The following RUNX2 variants were observed in gnomAD, a reference collection of about 807,000 sequenced individuals.
The protein encoded by RUNX2 is RUNX family transcription factor 2, also known as runt-related transcription factor 2.
In RUNX2, 10 loss-of-function variants were observed where a neutral mutation model predicts 51.7. The ratio of observed to expected loss-of-function variants is 0.19; its 90% CI spans 0.12 to 0.33. The LOEUF (loss-of-function observed/expected upper bound fraction) is 0.33. RUNX2 is among the 10% of genes least tolerant of loss of function. The probability of loss-of-function intolerance (pLI) is 1.00; values close to 1 mark genes in which losing one functional copy is unlikely to be tolerated. For synonymous variants in RUNX2, 276 were observed against 273.6 expected (o/e 1.01, Z -0.09); for missense variants, 562 against 691.3 (o/e 0.81, Z 2.10).
At chr6:45,465,011 T>C (rs931776775) in intron 5 of RUNX2, among the ~76,000 whole-genome samples, 1 of 152,246 alleles carries the variant, frequency 6.6e-6, no homozygotes, top group African/African-American at 2.4e-5. Flanking sequence ...TTGCCATCTT[T>C]TGAGCCTTAT....
intron 3 of RUNX2, among the ~76,000 whole-genome samples, chr6:45,424,449 C>A (rs1434555170): frequency 6.6e-6 from 1 of 152,116 alleles, no homozygotes; most frequent in African/African-American, 2.4e-5. Flanking sequence ...GTGCTTTGGG[C>A]CCTTGCTAAC....
At chr6:45,369,075 G>T (rs1396940187) in intron 2 of RUNX2, among the ~76,000 whole-genome samples, 3 of 151,836 alleles carry the variant, frequency 2.0e-5, no homozygotes, top group Non-Finnish European at 2.9e-5. Context: ...TAACACAAAG[G>T]TAATCTCAAT....
chr6:45,489,234 T>C (rs2150405574), intron 5 of RUNX2, among the ~76,000 whole-genome samples: 1 of 152,334 alleles, frequency 6.6e-6, no homozygotes, highest in East Asian at 1.9e-4. Context: ...TGCCTGTAGA[T>C]ACTTGGAAGT....
At chr6:45,364,351 G>C (rs552652621) in intron 2 of RUNX2, among the ~76,000 whole-genome samples, 1 of 152,272 alleles carries the variant, frequency 6.6e-6, no homozygotes, top group East Asian at 1.9e-4. Flanking sequence ...ATCACATAGT[G>C]ACGTTAATTC....
chr6:45,348,032 T>C (rs1039076816), intron 2 of RUNX2, among the ~76,000 whole-genome samples: 3 of 148,776 alleles, frequency 2.0e-5, no homozygotes, highest in Non-Finnish European at 3.0e-5. Context: ...TGTGTACACA[T>C]GTGTGGATAT....
intron 2 of RUNX2, among the ~76,000 whole-genome samples, chr6:45,333,237 C>A (rs972505701): frequency 6.6e-6 from 1 of 151,464 alleles, no homozygotes; most frequent in South Asian, 2.1e-4. Context: ...TGTTACGATT[C>A]AAAAAATAAC....
intron 2 of RUNX2, among the ~76,000 whole-genome samples, chr6:45,335,452 A>G (rs537117939): frequency 6.6e-6 from 1 of 151,404 alleles, no homozygotes; most frequent in East Asian, 1.9e-4. Context: ...CACAGTATGG[A>G]TTCTCTTCAA....
intron 3 of RUNX2, among the ~76,000 whole-genome samples, chr6:45,425,533 C>T (rs1182098383): frequency 6.6e-6 from 1 of 152,236 alleles, no homozygotes; most frequent in East Asian, 1.9e-4. Flanking sequence ...AACCTACAAC[C>T]TGACTGTCAA....
chr6:45,428,082 C>T (rs1054786740), intron 3 of RUNX2, among the ~76,000 whole-genome samples: 9 of 152,152 alleles, frequency 5.9e-5, no homozygotes, highest in African/African-American at 9.7e-5. Flanking sequence ...AAGATCATCA[C>T]AAATTATTCT....
intron 7 of RUNX2, among the ~76,000 whole-genome samples, chr6:45,542,370 C>T (rs12204049): frequency 0.31 from 47,556 of 152,010 alleles, 8,315 homozygotes; most frequent in African/African-American, 0.48. Context: ...TTGCTGCTGC[C>T]GCTGCTGTTA....
At chr6:45,519,774 T>TTTTA (rs1801440760) in intron 7 of RUNX2, among the ~76,000 whole-genome samples, 1 of 135,888 alleles carries the variant, frequency 7.4e-6, no homozygotes, top group Admixed American at 7.2e-5. Flanking sequence ...AAGGATGCTA[T>TTTTA]TATATATATA....
chr6:45,546,699 C>G (rs1007634583), intron 8 of RUNX2, 128 bp from the exon 9 acceptor site: 6 of 784,764 alleles, frequency 7.6e-6, no homozygotes, highest in Non-Finnish European at 1.3e-5. Context: ...ATTTGAAGGT[C>G]TGTCTGTGGC....
intron 2 of RUNX2, among the ~76,000 whole-genome samples, chr6:45,389,488 GT>G (rs2150346218): frequency 6.6e-6 from 1 of 152,280 alleles, no homozygotes; most frequent in Non-Finnish European, 1.5e-5. Flanking sequence ...GGCATAATAT[GT>G]AGAAATCCAT....
intron 8 of RUNX2, 132 bp downstream of exon 8, chr6:45,545,414 A>T (rs1404317326): frequency 2.1e-6 from 2 of 968,934 alleles, no homozygotes; most frequent in Non-Finnish European, 3.0e-6. Context: ...ACAAATGCAC[A>T]TCATGGCACT....
intron 5 of RUNX2, among the ~76,000 whole-genome samples, chr6:45,469,099 G>A (rs1217208331): frequency 3.3e-5 from 5 of 152,288 alleles, no homozygotes; most frequent in African/African-American, 9.6e-5. Flanking sequence ...AAATTTTGCA[G>A]CATCCAGATG....
chr6:45,328,625 A>G, intron 1 of RUNX2, 36 bp from the exon 2 acceptor site: 1 of 1,609,534 alleles, frequency 6.2e-7, no homozygotes, highest in Non-Finnish European at 8.5e-7. Flanking sequence ...ATACTGTAAA[A>G]CTAAAACAAG....
At chr6:45,514,977 C>T (rs1334869267) in intron 7 of RUNX2, among the ~76,000 whole-genome samples, 1 of 148,220 alleles carries the variant, frequency 6.7e-6, no homozygotes, top group Non-Finnish European at 1.5e-5. Context: ...TAAATAAAGT[C>T]CTTTGGATTG....
chr6:45,394,206 C>T (rs1010770522), intron 2 of RUNX2, among the ~76,000 whole-genome samples: 4 of 152,130 alleles, frequency 2.6e-5, no homozygotes, highest in Admixed American at 1.3e-4. Context: ...CTGCGACCAG[C>T]TACCACACTC....
At chr6:45,436,730 C>T (rs1282200108) in intron 4 of RUNX2, among the ~76,000 whole-genome samples, 1 of 152,142 alleles carries the variant, frequency 6.6e-6, no homozygotes, top group African/African-American at 2.4e-5. Flanking sequence ...CTCCATTAAG[C>T]CTTGTATATA....
Sources: allele counts gnomAD v4.1 joint callset (sites outside exome capture counted in the v4.1 genomes callset), GRCh38; gene constraint gnomAD v4.1.1; transcripts MANE v1.5; gene names NCBI Gene and HGNC (gene_info 2026-07-23, HGNC 2026-07-21).